TOX4: variants seen among roughly 807,000 people sequenced by gnomAD.
TOX4 encodes the protein epidermal Langerhans cell protein LCP1.
Under a neutral mutation model 61.0 loss-of-function variants are expected in TOX4, and 12 were observed. The ratio of observed to expected loss-of-function variants is 0.20; its 90% CI spans 0.13 to 0.32. The LOEUF is 0.32. Among genes scored for constraint, TOX4 ranks in the 10% least tolerant of loss-of-function variants. TOX4 has a pLI of 1.00. For synonymous variants in TOX4, 268 were observed against 274.8 expected, an observed-to-expected ratio of 0.98 and a Z score of 0.24; for missense variants, 499 against 753.3, an observed-to-expected ratio of 0.66 and a Z score of 3.95.
chr14:21,498,877 AAC>A lies in TOX4; in HGVS notation c.*2273_*2274del, dbSNP rs915734109. 3.2e-6 allele frequency: 2 copies of A among 620,206 alleles called. No individual in the cohort carries two copies. Among genetic ancestry groups the A allele is most frequent in the Non-Finnish European group, 5.7e-6 (2 of 349,814 alleles). 38.4% of individuals were successfully genotyped at this position (620,206 alleles called of 1,614,324 possible). On this transcript the variant is annotated 3_prime_UTR_variant, in exon 9 of 9. Transcript: ENST00000448790. ...AATGAATATTTGTAGAATCTCATAA[AAC>A]AGTTTAAATACAAGCTTAAGTGGCT...
chr14:21,481,723 G>A (rs1188437303), intron 2 of TOX4, among the ~76,000 whole-genome samples: 1 of 152,160 alleles, frequency 6.6e-6, no homozygotes, highest in African/African-American at 2.4e-5. Context: ...TGGTGTATTT[G>A]TGAAAAGGAA....
Position 21,497,024 on chromosome 14 carries a change from T to TA in TOX4, c.*425dup, listed in dbSNP as rs1032855301. The TA allele has an allele frequency of 2.3e-5, 4 of 170,384 alleles. No individual in the cohort carries two copies. The highest frequency in any genetic ancestry group is 4.8e-5 in the African/African-American group (2 of 41,756). 10.6% of individuals were successfully genotyped at this position (170,384 alleles called of 1,614,324 possible). A position where few individuals can be genotyped will look rare whatever the true frequency, so the allele number is the denominator to read the frequency against. On this transcript the variant is annotated 3_prime_UTR_variant, in exon 9 of 9. Transcript: ENST00000448790. ...GCATCCATTTTAAAGGGTTCCCTCA[T>TA]AAAAAAATGTTATTCCCCATTATCA... is the stretch of plus-strand genomic sequence containing the variant.
chr14:21,493,149 T>C lies in TOX4; in HGVS notation c.1533T>C (p.Thr511=). The C allele has an allele frequency of 6.2e-7, 1 of 1,614,054 alleles. No individual in the cohort carries two copies. The highest frequency in any genetic ancestry group is 8.5e-7 in the Non-Finnish European group (1 of 1,180,004). Residue 511 remains threonine (T), a synonymous_variant, in exon 7 of 9, where the codon ACT becomes ACC. Transcript: ENST00000448790. Reference sequence around the variant, plus strand: ...TGCAGACTACCTTAGTCCCACCAACTGTGGAAAGTAGTCCTGAGCGGCCTA... The same window carrying C: ...TGCAGACTACCTTAGTCCCACCAACCGTGGAAAGTAGTCCTGAGCGGCCTA... The part of the protein sequence containing the change: ...LKMQTTLVPP[T]VESSPERPMN...
At chr14:21,480,059 C>T (rs1288456867) in intron 2 of TOX4, among the ~76,000 whole-genome samples, 1 of 152,042 alleles carries the variant, frequency 6.6e-6, no homozygotes, top group African/African-American at 2.4e-5. Flanking sequence ...TCTCAAATTC[C>T]TAGGCTCAAG....
At position 21,477,275 on chromosome 14, in the gene TOX4, G is replaced by A; in HGVS notation, c.-4G>A. 1 of 1,613,998 alleles carries A rather than the reference G, an allele frequency of 6.2e-7. No individual in the cohort carries two copies. The highest frequency in any genetic ancestry group is 8.5e-7 in the Non-Finnish European group (1 of 1,179,966). ...TCTGAGACGGTGGGAGCGGTTGTGT[G>A]AAGATGGAGGTAGGAACCTGATAGC... On this transcript the variant is annotated 5_prime_UTR_variant, in exon 1 of 9. Transcript: ENST00000448790.
Position 21,492,498 on chromosome 14 carries a change from C to T in TOX4, c.892-10C>T. ...GATTAATTGATAGATTGATTTATGT[C>T]TTCTTTTAGGCCACTGTGGAAACAG... On this transcript the variant is annotated splice_polypyrimidine_tract_variant and intron_variant, in intron 6 of 8. Transcript: ENST00000448790. 1 of 1,611,844 alleles carries T rather than the reference C, an allele frequency of 6.2e-7. No homozygotes were observed. Among genetic ancestry groups the T allele is most frequent in the South Asian group, 1.1e-5 (1 of 90,864 alleles).
chr14:21,479,703 C>G (rs1200429204), intron 2 of TOX4, among the ~76,000 whole-genome samples: 2 of 152,060 alleles, frequency 1.3e-5, no homozygotes, highest in Non-Finnish European at 2.9e-5. Flanking sequence ...TCTTAGTTGC[C>G]ATTTTCTTCT....
chr14:21,495,280 G>A lies in TOX4; in HGVS notation c.1693G>A (p.Ala565Thr). Reference sequence around the variant, plus strand: ...TGAATTGGTGAGTGGGTCTCCTGTGGCACTCTCACCCCAGCCTCGATGTGT... The same window carrying A: ...TGAATTGGTGAGTGGGTCTCCTGTGACACTCTCACCCCAGCCTCGATGTGT... ...DVELVSGSPV[A>T]LSPQPRCVRS... Residue 565 changes from alanine (A) to threonine (T), a missense_variant, in exon 8 of 9, where the codon GCA becomes ACA. Ala to Thr is a moderately conservative substitution (Grantham distance 58). Coordinates refer to ENST00000448790, the MANE Select transcript of TOX4 (RefSeq NM_014828.4). 6.2e-7 allele frequency: 1 copy of A among 1,614,092 alleles called. No homozygotes were observed. The highest frequency in any genetic ancestry group is 8.5e-7 in the Non-Finnish European group (1 of 1,179,988).
Position 21,498,503 on chromosome 14 carries a change from T to A in TOX4, c.*1897T>A. On this transcript the variant is annotated 3_prime_UTR_variant, in exon 9 of 9. Coordinates refer to ENST00000448790, the MANE Select transcript of TOX4 (RefSeq NM_014828.4). Reference sequence around the variant, plus strand: ...GCCAATTCTAAAAAGAGCTTAACATTAGAATAGTATATGGTAGAATTACTA... The same window carrying A: ...GCCAATTCTAAAAAGAGCTTAACATAAGAATAGTATATGGTAGAATTACTA... 1.3e-6 allele frequency: 1 copy of A among 769,730 alleles called. No homozygotes were observed. Among genetic ancestry groups the A allele is most frequent in the Non-Finnish European group, 2.1e-6 (1 of 475,112 alleles). The allele number at this position is 769,730 out of a possible 1,614,324, so 47.7% of individuals were successfully genotyped here. A position where few individuals can be genotyped will look rare whatever the true frequency, so the allele number is the denominator to read the frequency against.
At chr14:21,493,971 G>A (rs1174992545) in intron 7 of TOX4, among the ~76,000 whole-genome samples, 1 of 151,784 alleles carries the variant, frequency 6.6e-6, no homozygotes, top group African/African-American at 2.4e-5. Context: ...GGCTGGTCTT[G>A]AACTCCTGAC....
At chr14:21,477,332 G>C (rs1239057875) in intron 1 of TOX4, 48 bp downstream of exon 1, 1 of 1,613,938 alleles carries the variant, frequency 6.2e-7, no homozygotes. Flanking sequence ...GCGGCCGACC[G>C]GGTTGAAGCA....
intron 2 of TOX4, among the ~76,000 whole-genome samples, chr14:21,486,812 A>G (rs1215215825): frequency 6.6e-6 from 1 of 152,214 alleles, no homozygotes; most frequent in East Asian, 1.9e-4. Context: ...GGTCAGAGCA[A>G]GACTAGCATT....
In TOX4 at chr14:21,492,934, C is replaced by G. The variant is rs758902760; in HGVS notation, c.1318C>G (p.Pro440Ala). 1.9e-6 allele frequency: 3 copies of G among 1,610,826 alleles called. No homozygotes were observed. The highest frequency in any genetic ancestry group is 2.5e-6 in the Non-Finnish European group (3 of 1,179,236). ...TGCTGCTGCTTCTATGCAACTGCCT[C>G]CACCCCGACTACAGCCCCCTCCATT... is the stretch of plus-strand genomic sequence containing the variant. ...AAAAASMQLP[P>A]PRLQPPPLQQ... is the part of the protein sequence containing the mutation. The change falls in exon 7 of 9, where the codon CCA becomes GCA. Residue 440 changes from proline (P) to alanine (A), a missense_variant. By Grantham distance (27) the Pro-to-Ala change is conservative. This residue lies in a region of TOX4 where 296 missense variants were observed against 404.7 expected (regional missense o/e 0.73). Coordinates refer to ENST00000448790, the MANE Select transcript of TOX4 (RefSeq NM_014828.4).
chr14:21,483,492 T>G (rs1891142557), intron 2 of TOX4, among the ~76,000 whole-genome samples: 1 of 151,754 alleles, frequency 6.6e-6, no homozygotes, highest in Non-Finnish European at 1.5e-5. Flanking sequence ...AGTCATGGAC[T>G]GGAAGTTAAG....
At chr14:21,493,854 A>AT (rs1891346608) in intron 7 of TOX4, among the ~76,000 whole-genome samples, 1 of 151,838 alleles carries the variant, frequency 6.6e-6, no homozygotes, top group South Asian at 2.1e-4. Context: ...AGTTCAAGTG[A>AT]TTCTCCTGCC....
intron 5 of TOX4, chr14:21,492,010 CA>C (rs1220235719): frequency 1.0e-4 from 22 of 220,616 alleles, no homozygotes; most frequent in East Asian, 2.2e-4. Flanking sequence ...GACTCTGTCT[CA>C]AAAAAAATTT....
chr14:21,480,086 G>A (rs1891082455), intron 2 of TOX4, among the ~76,000 whole-genome samples: 2 of 152,106 alleles, frequency 1.3e-5, no homozygotes, highest in Non-Finnish European at 2.9e-5. Flanking sequence ...TCCCACCTTG[G>A]CCTCCCAAAG....
At chr14:21,477,671 G>A in intron 2 of TOX4, 107 bp downstream of exon 2, 1 of 1,253,184 alleles carries the variant, frequency 8.0e-7, no homozygotes, top group Admixed American at 2.0e-5. Flanking sequence ...GGAACCAAGG[G>A]CCGCAATTGG....
Position 21,492,717 on chromosome 14 carries a change from G to A in TOX4, c.1101G>A (p.Lys367=). The part of the protein sequence containing the change: ...SGAGGQPNIT[K]LIITKQMLPS... ...CTGGGGGTCAGCCCAATATCACCAAGTTGATTATTACCAAACAAATGTTGC... is the reference window on the plus strand; with the variant it reads ...CTGGGGGTCAGCCCAATATCACCAAATTGATTATTACCAAACAAATGTTGC... Residue 367 remains lysine, a synonymous_variant, in exon 7 of 9, where the codon AAG becomes AAA. Transcript: ENST00000448790. The A allele has an allele frequency of 1.2e-6, 2 of 1,614,120 alleles. No individual in the cohort carries two copies. Among genetic ancestry groups the A allele is most frequent in the South Asian group, 1.1e-5 (1 of 91,072 alleles).
Sources: allele counts gnomAD v4.1 joint callset (sites outside exome capture counted in the v4.1 genomes callset), GRCh38; gene constraint gnomAD v4.1.1; regional missense constraint gnomAD v4.1.1; transcripts MANE v1.5; gene names NCBI Gene and HGNC (gene_info 2026-07-23, HGNC 2026-07-21).